ADD2: variants seen among roughly 807,000 people sequenced by gnomAD.
ADD2 encodes the protein beta-adducin.
ADD2 carries 23 observed loss-of-function variants against 83.0 expected under a neutral mutation model. The ratio of observed to expected loss-of-function variants is 0.28; its 90% CI spans 0.20 to 0.39. The LOEUF is 0.39. Ranked by LOEUF, ADD2 falls within the 10% of genes least tolerant of loss-of-function variation. The probability of loss-of-function intolerance (pLI) is 1.00; values close to 1 mark genes in which losing one functional copy is unlikely to be tolerated. For missense variants in ADD2, 758 were observed against 944.9 expected (o/e 0.80, Z 2.59); for synonymous variants, 375 against 375.4 (o/e 1.00, Z 0.01).
intron 2 of ADD2, among the ~76,000 whole-genome samples, chr2:70,709,089 C>A (rs1471318880): frequency 6.6e-6 from 1 of 152,130 alleles, no homozygotes; most frequent in Non-Finnish European, 1.5e-5. Flanking sequence ...TAAAATTTTT[C>A]TTTTAACAGG....
intron 4 of ADD2, among the ~76,000 whole-genome samples, chr2:70,699,032 G>T (rs1671451673): frequency 6.6e-6 from 1 of 152,098 alleles, no homozygotes; most frequent in Non-Finnish European, 1.5e-5. Flanking sequence ...GTACCAAGCA[G>T]ATTTCCAGGC....
chr2:70,707,471 G>A (rs1299780596), intron 2 of ADD2, among the ~76,000 whole-genome samples: 1 of 152,264 alleles, frequency 6.6e-6, no homozygotes, highest in East Asian at 1.9e-4. Flanking sequence ...TGTGAATGAT[G>A]AATGAAGAAA....
chr2:70,713,017 A>T, intron 2 of ADD2, 49 bp downstream of exon 2: 1 of 878,424 alleles, frequency 1.1e-6, no homozygotes, highest in Non-Finnish European at 1.4e-6. Context: ...GGGCCCAGCC[A>T]AAAAGTGTGC....
Position 70,728,808 on chromosome 2 carries a change from C to T in ADD2, c.-153-15624G>A, listed in dbSNP as rs1262588394. Among the ~76,000 whole-genome samples, 3 of 152,342 alleles carry T rather than the reference C, an allele frequency of 2.0e-5. No individual in the cohort carries two copies. The East Asian group carries it at 5.8e-4, about 29-fold the overall frequency. On this transcript the variant is annotated intron_variant, in intron 1 of 15. Transcript: ENST00000264436. ...CTTTCTCATCCTCCTCCTACCCACACACAGACACCTTCCTTGAGGGCTTGC... is the reference window on the plus strand; with the variant it reads ...CTTTCTCATCCTCCTCCTACCCACATACAGACACCTTCCTTGAGGGCTTGC...
intron 1 of ADD2, among the ~76,000 whole-genome samples, chr2:70,759,497 G>T (rs1202902463): frequency 6.6e-6 from 1 of 152,246 alleles, no homozygotes. Context: ...GAAGGAGGGG[G>T]TACCTGGTGG....
intron 4 of ADD2, among the ~76,000 whole-genome samples, chr2:70,702,667 C>T (rs548407739): frequency 2.0e-5 from 3 of 148,992 alleles, no homozygotes; most frequent in South Asian, 2.1e-4. Flanking sequence ...AAAAAAAATG[C>T]CATGGACAAA....
In ADD2 at chr2:70,683,742, C is replaced by T; in HGVS notation, c.974G>A (p.Gly325Glu). ...CTCCAGGAGGATGAGGTTCTCCACT[C>T]CCCCGGCACTGGACAGAGCCGACAC... ...IQVSALSSAGGVENLILLEQE... is the reference protein window; with the variant it reads ...IQVSALSSAGEVENLILLEQE... The change falls in exon 10 of 16, where the codon GGA becomes GAA. Residue 325 changes from glycine to glutamate, a missense_variant. By Grantham distance (98) the Gly-to-Glu change is moderately conservative. This residue lies in a region of ADD2 where 394 missense variants were observed against 509.3 expected (regional missense o/e 0.77). Coordinates refer to ENST00000264436, the MANE Select transcript of ADD2 (RefSeq NM_001617.4). 1 of 1,613,870 alleles carries T rather than the reference C, an allele frequency of 6.2e-7. No homozygotes were observed. The highest frequency in any genetic ancestry group is 8.5e-7 in the Non-Finnish European group (1 of 1,179,828).
intron 1 of ADD2, among the ~76,000 whole-genome samples, chr2:70,747,450 C>T (rs1342878059): frequency 1.3e-5 from 2 of 150,268 alleles, no homozygotes; most frequent in East Asian, 4.0e-4. Context: ...GCTCTCCCAT[C>T]ATGCCATGTG....
At chr2:70,677,994 T>TC in intron 11 of ADD2, 117 bp from the exon 12 acceptor site, 2 of 1,337,132 alleles carry the variant, frequency 1.5e-6, no homozygotes, top group Non-Finnish European at 2.1e-6. Flanking sequence ...GCAAGCCTAC[T>TC]CATAGACACT....
intron 1 of ADD2, among the ~76,000 whole-genome samples, chr2:70,757,935 T>C (rs1674880306): frequency 6.6e-6 from 1 of 152,248 alleles, no homozygotes; most frequent in African/African-American, 2.4e-5. Flanking sequence ...AATGCCCTTG[T>C]ATTGATTTTC....
chr2:70,667,775 C>A (rs1305685927), intron 15 of ADD2, among the ~76,000 whole-genome samples: 5 of 152,060 alleles, frequency 3.3e-5, no homozygotes, highest in African/African-American at 4.8e-5. Context: ...CATGTCACCA[C>A]GCCCAGCAAA....
chr2:70,705,901 C>T (rs1158462603), intron 3 of ADD2, among the ~76,000 whole-genome samples: 1 of 152,180 alleles, frequency 6.6e-6, no homozygotes, highest in African/African-American at 2.4e-5. Flanking sequence ...TGGATTTGTC[C>T]GTTCACTGTC....
chr2:70,683,906 G>A, intron 9 of ADD2, 139 bp from the exon 10 acceptor site: 3 of 833,718 alleles, frequency 3.6e-6, no homozygotes, highest in Non-Finnish European at 5.2e-6. Flanking sequence ...ACCCATACTT[G>A]ATGGGCATGC....
At position 70,764,112 on chromosome 2, in the gene ADD2, T is replaced by G. The variant is rs145304633; in HGVS notation, c.-154+3774A>C. On this transcript the variant is annotated intron_variant, in intron 1 of 15. Coordinates refer to ENST00000264436, the MANE Select transcript of ADD2 (RefSeq NM_001617.4). ...TATGTTGGTCATGCTGGTCTCGAAC[T>G]CCTGACCTCAGGTGATCCACCTGCC... 3.1e-3 allele frequency among the ~76,000 whole-genome samples: 478 copies of G among 151,860 alleles called. 5 individuals are homozygous for G. Among genetic ancestry groups the G allele is most frequent in the African/African-American group, 1.0e-2 (410 of 41,174 alleles).
chr2:70,721,782 G>A (rs1398255698), intron 1 of ADD2, among the ~76,000 whole-genome samples: 1 of 152,184 alleles, frequency 6.6e-6, no homozygotes, highest in African/African-American at 2.4e-5. Flanking sequence ...CAAGTATCAA[G>A]GAAACCAGCC....
chr2:70,767,931 G>C lies in ADD2; in HGVS notation c.-199C>G, dbSNP rs1675493496. On this transcript the variant is annotated 5_prime_UTR_variant, in exon 1 of 16. Coordinates refer to ENST00000264436, the MANE Select transcript of ADD2 (RefSeq NM_001617.4). ...TATCTCCGGTCGGCCACTGCGGGTT[G>C]GTTTTGTTATTTTATGGGTTTGGGG... The C allele has an allele frequency of 6.5e-7, 1 of 1,535,846 alleles. No individual in the cohort carries two copies. Among genetic ancestry groups the C allele is most frequent in the Admixed American group, 2.0e-5 (1 of 50,986 alleles).
intron 9 of ADD2, chr2:70,687,057 CG>C (rs1416853233): frequency 7.9e-5 from 12 of 152,352 alleles, no homozygotes; most frequent in Admixed American, 7.9e-4. Flanking sequence ...CCAGGAGCAA[CG>C]GGCCTCCATA....
In ADD2 at chr2:70,661,625, C is replaced by G. The variant is rs1339350456; in HGVS notation, c.*1800G>C. 1.3e-5 allele frequency: 2 copies of G among 152,232 alleles called. No homozygotes were observed. Among genetic ancestry groups the G allele is most frequent in the African/African-American group, 2.4e-5 (1 of 41,452 alleles). 9.4% of individuals were successfully genotyped at this position (152,232 alleles called of 1,614,324 possible). A position where few individuals can be genotyped will look rare whatever the true frequency, so the allele number is the denominator to read the frequency against. ...CCCAACCAGAAGGCTCTTGCCTCTC[C>G]TTTGTCAGAGGCACACAGTAGCATC... On this transcript the variant is annotated 3_prime_UTR_variant, in exon 16 of 16. Transcript: ENST00000264436.
chr2:70,698,542 T>C (rs1438682377), intron 4 of ADD2, among the ~76,000 whole-genome samples: 1 of 152,210 alleles, frequency 6.6e-6, no homozygotes, highest in South Asian at 2.1e-4. Flanking sequence ...ATTCATAGTG[T>C]ATTTCAAAAC....
Sources: allele counts gnomAD v4.1 joint callset (sites outside exome capture counted in the v4.1 genomes callset), GRCh38; gene constraint gnomAD v4.1.1; regional missense constraint gnomAD v4.1.1; transcripts MANE v1.5; gene names NCBI Gene and HGNC (gene_info 2026-07-23, HGNC 2026-07-21).